Variants in GABRR2 observed in about 807,000 individuals in gnomAD.
The protein encoded by GABRR2 is gamma-aminobutyric acid type A receptor subunit rho2, also known as gamma-aminobutyric acid receptor subunit rho-2.
In GABRR2, 36 loss-of-function variants were observed where a neutral mutation model predicts 47.0. The observed-to-expected ratio is 0.77, with a 90% CI of 0.59 to 1.01. The LOEUF (loss-of-function observed/expected upper bound fraction) is 1.01. Among genes scored for constraint, GABRR2 ranks in the 50% least tolerant of loss-of-function variants. The pLI is 0.00. For synonymous variants in GABRR2, 204 were observed against 227.5 expected (o/e 0.90, Z 0.93); for missense variants, 587 against 594.6 (o/e 0.99, Z 0.13).
At chr6:89,295,981 T>G (rs1009095441) in intron 2 of GABRR2, among the ~76,000 whole-genome samples, 1 of 152,250 alleles carries the variant, frequency 6.6e-6, no homozygotes, top group African/African-American at 2.4e-5. Context: ...CATTGGTCTA[T>G]GTCTCTGTTT....
intron 1 of GABRR2, among the ~76,000 whole-genome samples, chr6:89,310,593 A>C (rs1384596504): frequency 6.6e-6 from 1 of 152,042 alleles, no homozygotes; most frequent in Non-Finnish European, 1.5e-5. Flanking sequence ...CTCTACTCTC[A>C]ACCTTTATAT....
Position 89,257,312 on chromosome 6 carries a change from T to C in GABRR2, c.*358A>G. The stretch of plus-strand genomic sequence containing the variant: ...CCTAAGCTTGTACTTCAGTTTTTCC[T>C]TTTCCCTCCACAACTGACTCCTAGG... On this transcript the variant is annotated 3_prime_UTR_variant, in exon 9 of 9. Coordinates refer to ENST00000402938, the MANE Select transcript of GABRR2 (RefSeq NM_002043.5). The C allele has an allele frequency of 4.6e-6, 1 of 215,968 alleles. No individual in the cohort carries two copies. The highest frequency in any genetic ancestry group is 9.3e-6 in the Non-Finnish European group (1 of 108,018). 13.4% of individuals were successfully genotyped at this position (215,968 alleles called of 1,614,324 possible).
chr6:89,308,242 C>T (rs1400718808), intron 1 of GABRR2, among the ~76,000 whole-genome samples: 1 of 152,204 alleles, frequency 6.6e-6, no homozygotes, highest in Non-Finnish European at 1.5e-5. Flanking sequence ...TTTCATTCCT[C>T]ACCGGCTCTG....
intron 1 of GABRR2, chr6:89,303,102 G>C (rs563681131): frequency 1.1e-5 from 7 of 665,866 alleles, no homozygotes; most frequent in Non-Finnish European, 1.8e-5. Flanking sequence ...TGGAGGCCCA[G>C]GGCCCCAAGT....
At chr6:89,295,942 G>A (rs563372076) in intron 2 of GABRR2, among the ~76,000 whole-genome samples, 3 of 152,324 alleles carry the variant, frequency 2.0e-5, no homozygotes, top group African/African-American at 7.2e-5. Context: ...GGTTGTAGAT[G>A]TGTGGTATTA....
chr6:89,286,460 A>T (rs529571367), intron 2 of GABRR2, among the ~76,000 whole-genome samples: 1 of 152,218 alleles, frequency 6.6e-6, no homozygotes. Context: ...ATACATTTAT[A>T]AGCTTGTTTG....
intron 5 of GABRR2, 53 bp from the exon 6 acceptor site, chr6:89,267,872 T>C (rs2127831383): frequency 6.2e-7 from 1 of 1,601,478 alleles, no homozygotes; most frequent in Non-Finnish European, 8.5e-7. Flanking sequence ...TGATGCAGGG[T>C]GAAGTAACAG....
intron 2 of GABRR2, among the ~76,000 whole-genome samples, chr6:89,280,257 T>TAC (rs1774237002): frequency 8.0e-6 from 1 of 125,206 alleles, no homozygotes; most frequent in Non-Finnish European, 1.7e-5. Flanking sequence ...TATATATACA[T>TAC]ACATATACAT....
chr6:89,292,800 A>C (rs1392006190), intron 2 of GABRR2, among the ~76,000 whole-genome samples: 1 of 21,770 alleles, frequency 4.6e-5, no homozygotes, highest in African/African-American at 4.0e-4. Context: ...TATATCGTAT[A>C]TATCGTATAT....
At position 89,257,969 on chromosome 6, in the gene GABRR2, A is replaced by G. The variant is rs139151180; in HGVS notation, c.1099T>C (p.Cys367Arg). 6.2e-7 allele frequency: 1 copy of G among 1,613,354 alleles called. No individual in the cohort carries two copies. Among genetic ancestry groups the G allele is most frequent in the Admixed American group, 1.7e-5 (1 of 59,932 alleles). Residue 367 changes from cysteine to arginine, a missense_variant, in exon 9 of 9, where the codon TGT (cysteine) becomes CGT (arginine). Transcript: ENST00000402938. ...ATGGTTTTTGAATGAAGCATTCCAC[A>G]CATGCACGGGAACTATGGGCAGCAA... ...RKLREKFPCM[C>R]GMLHSKTMML...
intron 1 of GABRR2, among the ~76,000 whole-genome samples, chr6:89,308,139 G>A (rs1168275028): frequency 6.6e-6 from 1 of 152,136 alleles, no homozygotes; most frequent in Non-Finnish European, 1.5e-5. Context: ...AGGGCAACAG[G>A]TGTGTTTCCT....
intron 2 of GABRR2, among the ~76,000 whole-genome samples, chr6:89,292,788 GATATATCGT>G (rs1259271985): frequency 1.1e-4 from 1 of 9,412 alleles, no homozygotes; most frequent in South Asian, 2.8e-3. Context: ...TCGTATATAC[GATATATCGT>G]ATATATCGTA....
At chr6:89,260,000 T>G (rs1773710411) in intron 8 of GABRR2, among the ~76,000 whole-genome samples, 1 of 151,152 alleles carries the variant, frequency 6.6e-6, no homozygotes, top group Non-Finnish European at 1.5e-5. Context: ...CTCCACCTCC[T>G]GGGCTCAAGG....
At chr6:89,259,171 C>T (rs1230237229) in intron 8 of GABRR2, among the ~76,000 whole-genome samples, 2 of 152,054 alleles carry the variant, frequency 1.3e-5, no homozygotes, top group Non-Finnish European at 2.9e-5. Flanking sequence ...AGGAGGCCCA[C>T]TTGACACATC....
At chr6:89,302,096 T>C in intron 1 of GABRR2, 1 of 630,160 alleles carries the variant, frequency 1.6e-6, no homozygotes, top group African/African-American at 1.8e-5. Context: ...CAGGGGTCAC[T>C]ACACGGAGGG....
rs1172169425 is a variant in GABRR2 at position 89,302,110 on chromosome 6, G to T, written c.114-2245C>A. The T allele has an allele frequency of 4.8e-6, 3 of 619,336 alleles. No homozygotes were observed. In the Admixed American group the frequency reaches 6.3e-5, roughly 13 times the overall value. 38.4% of individuals were successfully genotyped at this position (619,336 alleles called of 1,614,324 possible). On this transcript the variant is annotated intron_variant, in intron 1 of 8. Coordinates refer to ENST00000402938, the MANE Select transcript of GABRR2 (RefSeq NM_002043.5). Reference sequence around the variant, plus strand: ...CCAGGGGTCACTACACGGAGGGTGCGGAGCTGGTGGATTCCCTCCTGGATG... The same window carrying T: ...CCAGGGGTCACTACACGGAGGGTGCTGAGCTGGTGGATTCCCTCCTGGATG...
At chr6:89,304,066 C>T (rs1291260213) in intron 1 of GABRR2, among the ~76,000 whole-genome samples, 4 of 152,042 alleles carry the variant, frequency 2.6e-5, no homozygotes, top group Non-Finnish European at 5.9e-5. Context: ...ATGATGGAGA[C>T]ACCAAAAGCA....
intron 2 of GABRR2, among the ~76,000 whole-genome samples, chr6:89,292,803 T>C (rs1206878333): frequency 9.0e-5 from 2 of 22,200 alleles, no homozygotes; most frequent in Admixed American, 5.6e-4. Context: ...ATCGTATATA[T>C]CGTATATACG....
intron 1 of GABRR2, among the ~76,000 whole-genome samples, chr6:89,314,776 C>A: frequency 6.6e-6 from 1 of 152,206 alleles, no homozygotes; most frequent in East Asian, 1.9e-4. Context: ...TTACCCACTA[C>A]GTCTCCAACT....
Sources: gnomAD v4.1 joint callset for allele counts (sites outside exome capture counted in the v4.1 genomes callset) on GRCh38, gnomAD v4.1.1 for gene constraint, MANE v1.5 for transcripts, NCBI Gene and HGNC (gene_info 2026-07-23, HGNC 2026-07-21) for gene names.